CSRNP3: variants seen among roughly 807,000 people sequenced by gnomAD.
The protein encoded by CSRNP3 is cysteine and serine rich nuclear protein 3, also known as cysteine/serine-rich nuclear protein 3.
A neutral mutation model predicts 48.0 loss-of-function variants in CSRNP3; 12 were observed. The observed-to-expected ratio is 0.25, with a 90% confidence interval of 0.16 to 0.41. The LOEUF (loss-of-function observed/expected upper bound fraction) is 0.41, where lower values mean the gene tolerates loss of function less well. Among genes scored for constraint, CSRNP3 ranks in the 10% least tolerant of loss-of-function variants. The pLI is 1.00. For synonymous variants in CSRNP3, 263 were observed against 269.7 expected (o/e 0.98, Z 0.24); for missense variants, 580 against 724.4 (o/e 0.80, Z 2.29).
At chr2:165,578,302 A>G (rs1031510558) in intron 3 of CSRNP3, among the ~76,000 whole-genome samples, 1 of 152,082 alleles carries the variant, frequency 6.6e-6, no homozygotes, top group African/African-American at 2.4e-5. Flanking sequence ...TTATGAATCC[A>G]CATATTCATT....
chr2:165,585,168 C>A (rs1228344332), intron 3 of CSRNP3, among the ~76,000 whole-genome samples: 1 of 150,494 alleles, frequency 6.6e-6, no homozygotes, highest in African/African-American at 2.4e-5. Flanking sequence ...ATTTGGTTAA[C>A]TAAAGCTATT....
chr2:165,658,043 G>A lies in CSRNP3; in HGVS notation c.408+23G>A, dbSNP rs745366796. On this transcript the variant is annotated intron_variant, in intron 5 of 6. Coordinates refer to ENST00000651982, the MANE Select transcript of CSRNP3 (RefSeq NM_001172173.2). ...AAGGTAAAAAACAAACTCATTTTCT[G>A]CAAAGTCTCATATCCTTACAGCAAT... 1.4e-5 allele frequency: 22 copies of A among 1,599,800 alleles called. No homozygotes were observed. In the East Asian group the frequency reaches 4.7e-4, roughly 34 times the overall value.
At chr2:165,650,586 T>C (rs1437110696) in intron 4 of CSRNP3, among the ~76,000 whole-genome samples, 1 of 152,230 alleles carries the variant, frequency 6.6e-6, no homozygotes, top group Non-Finnish European at 1.5e-5. Flanking sequence ...TCTTCTGTTT[T>C]TAAGCTAAGC....
intron 1 of CSRNP3, among the ~76,000 whole-genome samples, chr2:165,474,506 A>G (rs1174473892): frequency 6.6e-6 from 1 of 152,140 alleles, no homozygotes; most frequent in African/African-American, 2.4e-5. Flanking sequence ...TTCATATTTT[A>G]GTCTTTTATT....
At chr2:165,556,308 T>C (rs1685159836) in intron 3 of CSRNP3, among the ~76,000 whole-genome samples, 2 of 152,152 alleles carry the variant, frequency 1.3e-5, no homozygotes, top group Non-Finnish European at 2.9e-5. Flanking sequence ...GACTATAGGT[T>C]CACTGTTTGA....
chr2:165,518,757 G>A (rs1003444364), intron 3 of CSRNP3, among the ~76,000 whole-genome samples: 21 of 152,030 alleles, frequency 1.4e-4, no homozygotes, highest in South Asian at 6.2e-4. Context: ...GTCTTGGTCA[G>A]GCATGTCTTC....
At chr2:165,615,309 C>T (rs148003030) in intron 4 of CSRNP3, among the ~76,000 whole-genome samples, 1,975 of 151,604 alleles carry the variant, frequency 0.013, 45 homozygotes, top group African/African-American at 0.045. Flanking sequence ...TTTGGGAGGC[C>T]GAGTCGGGCA....
intron 4 of CSRNP3, among the ~76,000 whole-genome samples, chr2:165,599,754 A>G (rs541587274): frequency 6.6e-6 from 1 of 152,252 alleles, no homozygotes; most frequent in South Asian, 2.1e-4. Context: ...CTTCTCTGCA[A>G]TGGTTTTGTT....
intron 3 of CSRNP3, among the ~76,000 whole-genome samples, chr2:165,520,747 A>C (rs1684640588): frequency 7.3e-6 from 1 of 137,506 alleles, no homozygotes; most frequent in South Asian, 2.2e-4. Flanking sequence ...TTATAGATAT[A>C]TAAATAGATA....
At chr2:165,676,841 A>T (rs1186396893) in intron 6 of CSRNP3, among the ~76,000 whole-genome samples, 4 of 152,226 alleles carry the variant, frequency 2.6e-5, no homozygotes, top group Admixed American at 6.5e-5. Flanking sequence ...TCTGAAAGAC[A>T]ACCCAAGTAG....
intron 3 of CSRNP3, among the ~76,000 whole-genome samples, chr2:165,521,764 T>A (rs1028202209): frequency 6.6e-6 from 1 of 152,212 alleles, no homozygotes; most frequent in Admixed American, 6.5e-5. Context: ...TCCTTTGCAA[T>A]GTAGGGCGTT....
At chr2:165,509,555 G>A (rs1291388273) in intron 2 of CSRNP3, among the ~76,000 whole-genome samples, 1 of 152,140 alleles carries the variant, frequency 6.6e-6, no homozygotes, top group East Asian at 1.9e-4. Context: ...GCTGTGGGGT[G>A]TGAGAGAAAG....
At chr2:165,650,552 A>G (rs1175980118) in intron 4 of CSRNP3, among the ~76,000 whole-genome samples, 1 of 152,232 alleles carries the variant, frequency 6.6e-6, no homozygotes, top group Admixed American at 6.5e-5. Flanking sequence ...ATTTCTATAC[A>G]AAATAATTTC....
intron 2 of CSRNP3, among the ~76,000 whole-genome samples, chr2:165,496,798 C>T (rs779306072): frequency 1.3e-5 from 2 of 151,810 alleles, no homozygotes; most frequent in African/African-American, 2.4e-5. Flanking sequence ...TTTTTTAAAT[C>T]GCCAGCATGC....
chr2:165,672,109 T>G (rs1486049635), intron 5 of CSRNP3, among the ~76,000 whole-genome samples: 1 of 152,160 alleles, frequency 6.6e-6, no homozygotes, highest in Non-Finnish European at 1.5e-5. Flanking sequence ...TTCTGAGCCC[T>G]CTACATCTCT....
intron 3 of CSRNP3, among the ~76,000 whole-genome samples, chr2:165,549,973 A>G (rs948515977): frequency 4.6e-5 from 7 of 152,186 alleles, no homozygotes; most frequent in African/African-American, 1.7e-4. Context: ...AACATTTTAG[A>G]GTGGGAAGCA....
intron 3 of CSRNP3, among the ~76,000 whole-genome samples, chr2:165,586,050 G>T (rs1685624543): frequency 6.6e-6 from 1 of 152,084 alleles, no homozygotes; most frequent in Non-Finnish European, 1.5e-5. Context: ...TCATTTTCCG[G>T]CCAGGAAAGA....
In CSRNP3 at chr2:165,507,950, G is replaced by T. The variant is rs1259928590; in HGVS notation, c.-112-9923G>T. On this transcript the variant is annotated intron_variant, in intron 2 of 6. Coordinates refer to ENST00000651982, the MANE Select transcript of CSRNP3 (RefSeq NM_001172173.2). ...TTCAAGAGCTTATTTGGGCATTCTT[G>T]TTCTCCAGGACAAAAATCGCATGGT... is the stretch of plus-strand genomic sequence containing the variant. Among the ~76,000 whole-genome samples, 4 of 152,104 alleles carry T rather than the reference G, an allele frequency of 2.6e-5. No individual in the cohort carries two copies. The South Asian group carries it at 8.3e-4, about 32-fold the overall frequency.
chr2:165,637,260 CA>C (rs1228749578), intron 4 of CSRNP3, among the ~76,000 whole-genome samples: 1 of 152,104 alleles, frequency 6.6e-6, no homozygotes, highest in Admixed American at 6.5e-5. Flanking sequence ...TGAGTTCTAA[CA>C]AGGAAATGGA....
Sources: allele counts gnomAD v4.1 joint callset (sites outside exome capture counted in the v4.1 genomes callset), GRCh38; gene constraint gnomAD v4.1.1; transcripts MANE v1.5; gene names NCBI Gene and HGNC (gene_info 2026-07-23, HGNC 2026-07-21).